The following FYN variants were observed in gnomAD, a reference collection of about 807,000 sequenced individuals.
The protein encoded by FYN is FYN proto-oncogene, Src family tyrosine kinase.
FYN carries 10 observed loss-of-function variants against 70.2 expected under a neutral mutation model. That is an observed-to-expected ratio of 0.14 (90% CI 0.09 to 0.24). FYN has a LOEUF of 0.24. FYN is among the 10% of genes least tolerant of loss of function. The pLI, the probability that FYN is intolerant of heterozygous loss-of-function variation, is 1.00. For synonymous variants in FYN, 236 were observed against 248.6 expected, an observed-to-expected ratio of 0.95 and a Z score of 0.48; for missense variants, 319 against 673.1, an observed-to-expected ratio of 0.47 and a Z score of 5.82.
chr6:111,847,266 G>A (rs1290721264), intron 1 of FYN, among the ~76,000 whole-genome samples: 1 of 152,236 alleles, frequency 6.6e-6, no homozygotes, highest in African/African-American at 2.4e-5. Context: ...GCGAGGCTGA[G>A]TGCTGGTTCT....
chr6:111,754,899 C>T (rs957162188), intron 3 of FYN, among the ~76,000 whole-genome samples: 4 of 151,102 alleles, frequency 2.6e-5, no homozygotes, highest in African/African-American at 7.3e-5. Flanking sequence ...TAAAAGGACT[C>T]GAAATTCTGT....
At chr6:111,867,882 A>G (rs1188631860) in intron 1 of FYN, among the ~76,000 whole-genome samples, 1 of 152,208 alleles carries the variant, frequency 6.6e-6, no homozygotes, top group Non-Finnish European at 1.5e-5. Context: ...CACTCAGGAT[A>G]AAGTACGTAC....
At chr6:111,829,660 T>C (rs1007082387) in intron 2 of FYN, among the ~76,000 whole-genome samples, 2 of 152,244 alleles carry the variant, frequency 1.3e-5, no homozygotes, top group African/African-American at 4.8e-5. Context: ...ATTTTACTGC[T>C]GTCTGACCTT....
intron 1 of FYN, among the ~76,000 whole-genome samples, chr6:111,867,458 GAAAAAAAAA>G (rs373634134): frequency 0.097 from 6,815 of 70,536 alleles, 255 homozygotes; most frequent in South Asian, 0.26. Context: ...TCCGTCTCGG[GAAAAAAAAA>G]AAAAAAAAAA....
intron 13 of FYN, among the ~76,000 whole-genome samples, chr6:111,668,863 C>T (rs1236170162): frequency 6.6e-6 from 1 of 152,168 alleles, no homozygotes; most frequent in African/African-American, 2.4e-5. Context: ...GCTTCCCAGT[C>T]TCCTCCTGGT....
At position 111,694,812 on chromosome 6, in the gene FYN, A is replaced by G; in HGVS notation, c.1043-108T>C. The G allele has an allele frequency of 1.1e-6, 1 of 937,148 alleles. No individual in the cohort carries two copies. The highest frequency in any genetic ancestry group is 1.6e-5 in the South Asian group (1 of 60,736). 58.1% of individuals were successfully genotyped at this position (937,148 alleles called of 1,614,324 possible). A position where few individuals can be genotyped will look rare whatever the true frequency, so the allele number is the denominator to read the frequency against. ...AGTAATAAGGTAGTCAAATGGAATA[A>G]TGCCATCCACATGGGGGGACAAAAA... On this transcript the variant is annotated intron_variant, in intron 10 of 13. Transcript: ENST00000354650. The surrounding 1 kb of genome is among the most constrained non-coding windows in gnomAD (Gnocchi z 5.0).
At chr6:111,811,606 C>T (rs1772326609) in intron 2 of FYN, among the ~76,000 whole-genome samples, 1 of 152,124 alleles carries the variant, frequency 6.6e-6, no homozygotes, top group Admixed American at 6.6e-5. Context: ...CCTTACTTGA[C>T]CTTACATATG....
At chr6:111,860,382 G>A (rs1034479294) in intron 1 of FYN, among the ~76,000 whole-genome samples, 1 of 152,100 alleles carries the variant, frequency 6.6e-6, no homozygotes, top group Non-Finnish European at 1.5e-5. Flanking sequence ...GTGTTTTGGT[G>A]GGCAGCACAG....
chr6:111,724,155 G>C (rs780181069), intron 3 of FYN, among the ~76,000 whole-genome samples: 2 of 152,152 alleles, frequency 1.3e-5, no homozygotes, highest in Non-Finnish European at 2.9e-5. Flanking sequence ...TGCCAATAGT[G>C]TTAAGCAACC....
At position 111,781,705 on chromosome 6, in the gene FYN, C is replaced by T. The variant is rs553904204; in HGVS notation, c.-81-1070G>A. Among the ~76,000 whole-genome samples, 3 of 152,296 alleles carry T rather than the reference C, an allele frequency of 2.0e-5. No homozygotes were observed. In the East Asian group the frequency reaches 5.8e-4, roughly 29 times the overall value. ...GGGCAGGGGCTCTTTACCTTTTGTG[C>T]TATGGCAGTCTAAAGACATCTTTCT... On this transcript the variant is annotated intron_variant, in intron 2 of 13. Transcript: ENST00000354650.
intron 13 of FYN, among the ~76,000 whole-genome samples, chr6:111,673,858 T>C (rs72940246): frequency 0.036 from 5,537 of 152,274 alleles, 188 homozygotes; most frequent in South Asian, 0.16. Flanking sequence ...CGTGGTTTCT[T>C]TGGAGAGCAT....
chr6:111,686,714 T>C (rs1022632295), intron 12 of FYN, among the ~76,000 whole-genome samples: 2 of 152,200 alleles, frequency 1.3e-5, no homozygotes, highest in Non-Finnish European at 2.9e-5. Flanking sequence ...TGTGCGGGAA[T>C]GGCAATGCTG....
intron 2 of FYN, among the ~76,000 whole-genome samples, chr6:111,816,135 A>AT (rs574125828): frequency 2.9e-4 from 44 of 152,130 alleles, no homozygotes; most frequent in African/African-American, 1.0e-3. Context: ...TACCTTTATG[A>AT]TTTTTTTTAA....
chr6:111,719,945 G>T lies in FYN; in HGVS notation c.107C>A (p.Pro36His). 6.2e-7 allele frequency: 1 copy of T among 1,614,198 alleles called. No individual in the cohort carries two copies. Among genetic ancestry groups the T allele is most frequent in the Non-Finnish European group, 8.5e-7 (1 of 1,180,036 alleles). The change falls in exon 4 of 14, where the codon CCT becomes CAT. Residue 36 changes from proline (P) to histidine (H), a missense_variant. Pro to His is a moderately conservative substitution (Grantham distance 77, BLOSUM62 -2). Coordinates refer to ENST00000354650, the MANE Select transcript of FYN (RefSeq NM_002037.5). ...SGYRYGTDPT[P>H]QHYPSFGVTS... ...CACACCGAAGCTGGGGTAGTGCTGA[G>T]GGGTGGGGTCTGTGCCATAGCGGTA...
chr6:111,841,007 C>T (rs1034261894), intron 2 of FYN, among the ~76,000 whole-genome samples: 6 of 152,210 alleles, frequency 3.9e-5, no homozygotes, highest in African/African-American at 7.2e-5. Context: ...TCCATTGTAA[C>T]GTGGGCAGCA....
At chr6:111,852,810 T>C (rs1447510898) in intron 1 of FYN, among the ~76,000 whole-genome samples, 1 of 152,234 alleles carries the variant, frequency 6.6e-6, no homozygotes, top group Non-Finnish European at 1.5e-5. Context: ...TTGTCCTTTT[T>C]AGCCTACTTC....
At chr6:111,664,002 C>T (rs1797887268) in intron 13 of FYN, among the ~76,000 whole-genome samples, 1 of 152,208 alleles carries the variant, frequency 6.6e-6, no homozygotes, top group African/African-American at 2.4e-5. Context: ...CACTTGACTA[C>T]AGAACTGATC....
At chr6:111,796,404 G>A (rs181040807) in intron 2 of FYN, among the ~76,000 whole-genome samples, 1 of 152,280 alleles carries the variant, frequency 6.6e-6, no homozygotes, top group East Asian at 1.9e-4. Flanking sequence ...ATAACATGCT[G>A]TTCAGGTTTG....
intron 7 of FYN, among the ~76,000 whole-genome samples, chr6:111,703,687 A>C (rs927897055): frequency 1.3e-4 from 20 of 152,238 alleles, no homozygotes; most frequent in African/African-American, 4.3e-4. Flanking sequence ...CTGGCACCTG[A>C]GGAACTAAGA....
Sources: allele counts gnomAD v4.1 joint callset (sites outside exome capture counted in the v4.1 genomes callset), GRCh38; gene constraint gnomAD v4.1.1; non-coding constraint Gnocchi (gnomAD v3.1); transcripts MANE v1.5; gene names NCBI Gene and HGNC (gene_info 2026-07-23, HGNC 2026-07-21).